PVT1: variants seen among roughly 807,000 people sequenced by gnomAD.
The protein encoded by PVT1 is CXCR4/PVT1 fusion.
At chr8:127,960,803 T>G (rs1477458431) in intron 3 of PVT1, 1 of 320,190 alleles carries the variant, frequency 3.1e-6, no homozygotes, top group Admixed American at 4.6e-5. Context: ...ACATAGGGTA[T>G]TTCTCATTAT....
At chr8:127,935,498 C>T (rs1317158154) in intron 3 of PVT1, among the ~76,000 whole-genome samples, 2 of 151,846 alleles carry the variant, frequency 1.3e-5, no homozygotes, top group Non-Finnish European at 2.9e-5. Context: ...TGTTATGATC[C>T]CCTGTTGTAG....
chr8:127,873,801 T>C (rs1040882326), intron 2 of PVT1, among the ~76,000 whole-genome samples: 1 of 152,242 alleles, frequency 6.6e-6, no homozygotes, highest in African/African-American at 2.4e-5. Context: ...TATGAATCAA[T>C]GATTCTGTGT....
At chr8:127,895,946 C>G (rs1168486009) in intron 3 of PVT1, among the ~76,000 whole-genome samples, 4 of 152,082 alleles carry the variant, frequency 2.6e-5, no homozygotes, top group African/African-American at 9.7e-5. Flanking sequence ...CAAGAACTGG[C>G]AATAGGCCTT....
At chr8:127,992,747 T>C (rs1010953113) in intron 4 of PVT1, among the ~76,000 whole-genome samples, 2 of 152,248 alleles carry the variant, frequency 1.3e-5, no homozygotes, top group African/African-American at 4.8e-5. Context: ...GATGGGCTTC[T>C]TCCCTTTAGA....
Position 128,001,171 on chromosome 8 carries a change from C to A in PVT1, n.912+11880C>A, listed in dbSNP as rs1032394370. ...TGCAGGTCTGTGCCAGGAAGCCCTG[C>A]GTGCTGTCTGCACCCCGTTTGGCTG... is the stretch of plus-strand genomic sequence containing the variant. On this transcript the variant is annotated intron_variant and non_coding_transcript_variant, in intron 4 of 10. Coordinates refer to ENST00000651587, the Ensembl canonical transcript of PVT1. Among the ~76,000 whole-genome samples the A allele has an allele frequency of 2.0e-5, 3 of 152,194 alleles. No homozygotes were observed. The South Asian group carries it at 6.2e-4, about 31-fold the overall frequency.
At chr8:128,015,744 G>T (rs1817365250) in intron 4 of PVT1, among the ~76,000 whole-genome samples, 1 of 146,286 alleles carries the variant, frequency 6.8e-6, no homozygotes, top group African/African-American at 2.6e-5. Flanking sequence ...CTGCACTCCA[G>T]CCTGGTGACT....
chr8:127,908,516 ATTT>A (rs1387849586), intron 3 of PVT1, among the ~76,000 whole-genome samples: 1 of 151,464 alleles, frequency 6.6e-6, no homozygotes, highest in East Asian at 1.9e-4. Flanking sequence ...TAATTTTTGT[ATTT>A]TTAGTAAAGA....
intron 3 of PVT1, among the ~76,000 whole-genome samples, chr8:127,921,852 A>ATCT (rs1816062657): frequency 1.2e-5 from 1 of 82,014 alleles, no homozygotes; most frequent in Non-Finnish European, 2.5e-5. Context: ...TTTTTGGTTC[A>ATCT]TGTTTTTTTT....
chr8:127,980,755 A>G (rs75597851), intron 3 of PVT1, among the ~76,000 whole-genome samples: 4,239 of 134,598 alleles, frequency 0.031, 193 homozygotes, highest in African/African-American at 0.11. Context: ...GGAAAAATAT[A>G]TTTTCTCCTC....
intron 4 of PVT1, among the ~76,000 whole-genome samples, chr8:128,009,875 A>T (rs1055809613): frequency 5.3e-5 from 8 of 152,236 alleles, no homozygotes; most frequent in Non-Finnish European, 2.9e-5. Flanking sequence ...GAAATTTCTC[A>T]TTGATGAGAT....
At chr8:128,074,707 C>T (rs1458801399) in intron 5 of PVT1, among the ~76,000 whole-genome samples, 4 of 152,062 alleles carry the variant, frequency 2.6e-5, no homozygotes, top group South Asian at 2.1e-4. Context: ...GAAAGGATTC[C>T]GTTAGGATGG....
intron 3 of PVT1, among the ~76,000 whole-genome samples, chr8:127,984,528 C>T (rs1816922403): frequency 6.6e-6 from 1 of 152,244 alleles, no homozygotes; most frequent in African/African-American, 2.4e-5. Flanking sequence ...CACTCTGAGC[C>T]AGAGGTTGTG....
chr8:128,041,224 TGCA>T (rs1813531080), intron 4 of PVT1, among the ~76,000 whole-genome samples: 1 of 88,708 alleles, frequency 1.1e-5, no homozygotes, highest in Non-Finnish European at 2.5e-5. Flanking sequence ...TTTGTGTGTG[TGCA>T]TGTGTGTGTG....
chr8:127,844,718 T>TTTTG (rs150794927), intron 2 of PVT1, among the ~76,000 whole-genome samples: 6,521 of 151,842 alleles, frequency 0.043, 506 homozygotes, highest in African/African-American at 0.15. Context: ...GTTTTTGTTT[T>TTTTG]TTTGTTTGTT....
intron 4 of PVT1, among the ~76,000 whole-genome samples, chr8:128,000,031 G>A (rs372086809): frequency 3.9e-5 from 6 of 152,232 alleles, no homozygotes; most frequent in African/African-American, 1.4e-4. Flanking sequence ...TCTCTCCCTG[G>A]GCTTCATGTG....
intron 4 of PVT1, among the ~76,000 whole-genome samples, chr8:128,002,544 A>G (rs1817192729): frequency 6.6e-6 from 1 of 152,234 alleles, no homozygotes. Context: ...GCAGATGCCC[A>G]GAAAAATCCT....
chr8:127,992,893 G>T (rs1817059719), intron 4 of PVT1, among the ~76,000 whole-genome samples: 2 of 152,198 alleles, frequency 1.3e-5, no homozygotes, highest in Admixed American at 1.3e-4. Flanking sequence ...GCAGGCTCCT[G>T]CTTCCCTGTC....
intron 4 of PVT1, among the ~76,000 whole-genome samples, chr8:128,031,398 G>C (rs1258348613): frequency 6.6e-6 from 1 of 152,238 alleles, no homozygotes; most frequent in African/African-American, 2.4e-5. Context: ...TTATCAGCCT[G>C]TTTCCTGATC....
At chr8:128,037,860 G>T (rs1167966351) in intron 4 of PVT1, among the ~76,000 whole-genome samples, 1 of 152,220 alleles carries the variant, frequency 6.6e-6, no homozygotes, top group East Asian at 1.9e-4. Flanking sequence ...CCTTGATGAA[G>T]AACCACTGGT....
Sources: allele counts gnomAD v4.1 joint callset (sites outside exome capture counted in the v4.1 genomes callset), GRCh38; gene constraint gnomAD v4.1.1; transcripts MANE v1.5; gene names NCBI Gene and HGNC (gene_info 2026-07-23, HGNC 2026-07-21).